KLHL33: variants seen among roughly 807,000 people sequenced by gnomAD.
KLHL33 encodes the protein kelch like family member 33.
A neutral mutation model predicts 60.8 loss-of-function variants in KLHL33; 46 were observed. The ratio of observed to expected loss-of-function variants is 0.76; its 90% confidence interval spans 0.60 to 0.97. KLHL33 has a LOEUF of 0.97. Ranked by LOEUF, KLHL33 falls within the 50% of genes least tolerant of loss-of-function variation. The pLI, the probability that KLHL33 is intolerant of heterozygous loss-of-function variation, is 0.00. For missense variants in KLHL33, 1,055 were observed against 1,000.0 expected, an observed-to-expected ratio of 1.05 and a Z score of -0.74; for synonymous variants, 434 against 432.2, an observed-to-expected ratio of 1.00 and a Z score of -0.05.
At chr14:20,432,192 G>A (rs147108719) in intron 2 of KLHL33, among the ~76,000 whole-genome samples, 247 of 151,288 alleles carry the variant, frequency 1.6e-3, no homozygotes, top group Non-Finnish European at 3.2e-3. Flanking sequence ...TCGGCTCACT[G>A]CAACCTCCAC....
Position 20,428,842 on chromosome 14 carries a change from T to A in KLHL33, c.*7A>T, listed in dbSNP as rs1880378102. On this transcript the variant is annotated 3_prime_UTR_variant, in exon 5 of 5. Transcript: ENST00000636854. Reference sequence around the variant, plus strand: ...CCCTCCTCTCCCCATACACTGTTGCTCCCTCTTCACCCAGCAGGTTTGGTT... The same window carrying A: ...CCCTCCTCTCCCCATACACTGTTGCACCCTCTTCACCCAGCAGGTTTGGTT... 14 of 1,547,164 alleles carry A rather than the reference T, an allele frequency of 9.0e-6. No homozygotes were observed. The highest frequency in any genetic ancestry group is 1.2e-5 in the Non-Finnish European group (14 of 1,143,692).
chr14:20,430,563 G>A lies in KLHL33; in HGVS notation c.905C>T (p.Ala302Val). 1 of 1,540,032 alleles carries A rather than the reference G, an allele frequency of 6.5e-7. No homozygotes were observed. The highest frequency in any genetic ancestry group is 8.7e-7 in the Non-Finnish European group (1 of 1,147,026). The change falls in exon 3 of 5, where the codon GCA (alanine) becomes GTA (valine). Residue 302 changes from alanine (A) to valine (V), a missense_variant. By Grantham distance (64) the Ala-to-Val change is moderately conservative (BLOSUM62 0). Transcript: ENST00000636854. ...AGCTCTCAGTAGCCCTGGCCACCTT[G>A]CCCGCACAACTCCGGAGTAAGCAAA... ...VSFAYSGVVR[A>V]RWPGLLRAAQ...
chr14:20,432,967 A>T (rs1201202697), intron 2 of KLHL33, among the ~76,000 whole-genome samples: 1 of 151,754 alleles, frequency 6.6e-6, no homozygotes, highest in Non-Finnish European at 1.5e-5. Flanking sequence ...AGAAAGAAAG[A>T]AAGAAAGAAA....
Position 20,434,554 on chromosome 14 carries a change from A to T in KLHL33, c.748+510T>A, listed in dbSNP as rs1880621458. The stretch of plus-strand genomic sequence containing the variant: ...AGATGCTGTCTCAGAAAAAAAAAAA[A>T]AAAGTGCCACGGCCTGGTAACCTTA... On this transcript the variant is annotated intron_variant, in intron 2 of 4. Coordinates refer to ENST00000636854, the MANE Select transcript of KLHL33 (RefSeq NM_001365790.2). Among the ~76,000 whole-genome samples, 2 of 151,926 alleles carry T rather than the reference A, an allele frequency of 1.3e-5. 1 individual carries two copies. Among genetic ancestry groups the T allele is most frequent in the South Asian group, 4.2e-4 (2 of 4,818 alleles).
At chr14:20,434,170 C>G (rs1324292813) in intron 2 of KLHL33, among the ~76,000 whole-genome samples, 1 of 152,200 alleles carries the variant, frequency 6.6e-6, no homozygotes, top group South Asian at 2.1e-4. Context: ...CAGTGCCTCA[C>G]TAAATGTTAG....
chr14:20,430,177 T>C lies in KLHL33; in HGVS notation c.1291A>G (p.Met431Val), dbSNP rs1404217959. The change falls in exon 3 of 5, where the codon ATG becomes GTG. Residue 431 changes from methionine (M) to valine (V), a missense_variant. Physicochemically the swap from Met to Val is conservative, Grantham distance 21 (BLOSUM62 1). Coordinates refer to ENST00000636854, the MANE Select transcript of KLHL33 (RefSeq NM_001365790.2). Reference sequence around the variant, plus strand: ...ACCCTCCGCAACTCCCTGGTGGACATGCGGCCAAAGCGGACACATCGCAGC... The same window carrying C: ...ACCCTCCGCAACTCCCTGGTGGACACGCGGCCAAAGCGGACACATCGCAGC... ...ALLRCVRFGRMSTRELRRVRA... is the reference protein window; with the variant it reads ...ALLRCVRFGRVSTRELRRVRA... 5.8e-6 allele frequency: 9 copies of C among 1,551,378 alleles called. No individual in the cohort carries two copies. In the Admixed American group the frequency reaches 5.9e-5, roughly 10 times the overall value.
rs1190039133 is a variant in KLHL33, at chr14:20,429,102, G to A, written c.2141C>T (p.Pro714Leu). The change falls in exon 5 of 5, where the codon CCC (proline) becomes CTC (leucine). Residue 714 changes from proline to leucine, a missense_variant. By Grantham distance (98) the Pro-to-Leu change is moderately conservative. Transcript: ENST00000636854. ...AGCCCCCACATGGGGGGAGGGTAGG[G>A]GTGCCAGGTGAGTCCAGCTATCAGT... ...LRTDSWTHLA[P>L]LPSPHVGAAS... The A allele has an allele frequency of 9.7e-6, 15 of 1,551,564 alleles. No individual in the cohort carries two copies. Among genetic ancestry groups the A allele is most frequent in the Non-Finnish European group, 1.3e-5 (15 of 1,147,002 alleles).
At position 20,430,645 on chromosome 14, in the gene KLHL33, C is replaced by G. The variant is rs1479411425; in HGVS notation, c.823G>C (p.Gly275Arg). Residue 275 changes from glycine to arginine, a missense_variant, in exon 3 of 5, where the codon GGC (glycine) becomes CGC (arginine). Gly to Arg is a moderately radical substitution (Grantham distance 125). Coordinates refer to ENST00000636854, the MANE Select transcript of KLHL33 (RefSeq NM_001365790.2). Reference sequence around the variant, plus strand: ...ATCGTCCGCAGAGATACCTCTGTGCCCTGGGATTCCCTCATCCCGCTCAGG... The same window carrying G: ...ATCGTCCGCAGAGATACCTCTGTGCGCTGGGATTCCCTCATCCCGCTCAGG... ...MLLSGMRESQ[G>R]TEVSLRTIST... The G allele has an allele frequency of 6.5e-6, 10 of 1,535,292 alleles. No homozygotes were observed. The East Asian group carries it at 2.4e-4, about 38-fold the overall frequency.
rs1334713504 is a variant in KLHL33, at chr14:20,427,125, T to A, written c.*1724A>T. The A allele has an allele frequency of 2.0e-5, 3 of 150,644 alleles. No individual in the cohort carries two copies. Among genetic ancestry groups the A allele is most frequent in the African/African-American group, 7.3e-5 (3 of 40,832 alleles). 9.3% of individuals were successfully genotyped at this position (150,644 alleles called of 1,614,324 possible). A position where few individuals can be genotyped will look rare whatever the true frequency, so the allele number is the denominator to read the frequency against. On this transcript the variant is annotated 3_prime_UTR_variant, in exon 5 of 5. Transcript: ENST00000636854. ...GTGCAGCACACCAGCATGGCACATG[T>A]ATACATATGTAACTAACCTGCACAT...
chr14:20,431,121 A>G (rs1880499054), intron 2 of KLHL33, among the ~76,000 whole-genome samples: 1 of 152,208 alleles, frequency 6.6e-6, no homozygotes, highest in Non-Finnish European at 1.5e-5. Flanking sequence ...CACAAAATAA[A>G]TGGGAAATGA....
At chr14:20,429,755 T>G in intron 3 of KLHL33, 40 bp downstream of exon 3, 1 of 1,522,766 alleles carries the variant, frequency 6.6e-7, no homozygotes, top group Non-Finnish European at 8.8e-7. Context: ...CTGCCCACCT[T>G]AGGGCCTGCC....
In KLHL33 at chr14:20,430,510, A is replaced by G. The variant is rs567375766; in HGVS notation, c.958T>C (p.Ser320Pro). Reference protein sequence around the residue: ...AAQAALQYQSSSCLDLCQKGL... With the variant: ...AAQAALQYQSPSCLDLCQKGL... ...TTCTGACACAAATCCAAGCAGGAAG[A>G]GCTCTGGTACTGCAGAGCAGCCTGG... The change falls in exon 3 of 5, where the codon TCT (serine) becomes CCT (proline). Residue 320 changes from serine (S) to proline (P), a missense_variant. Coordinates refer to ENST00000636854, the MANE Select transcript of KLHL33 (RefSeq NM_001365790.2). 2 of 1,548,512 alleles carry G rather than the reference A, an allele frequency of 1.3e-6. No individual in the cohort carries two copies. The highest frequency in any genetic ancestry group is 4.9e-5 in the East Asian group (2 of 40,908).
rs1336636662 is a variant in KLHL33, at chr14:20,428,568, T to G, written c.*281A>C. 3 of 397,948 alleles carry G rather than the reference T, an allele frequency of 7.5e-6. No individual in the cohort carries two copies. The highest frequency in any genetic ancestry group is 4.3e-5 in the South Asian group (1 of 23,032). 24.7% of individuals were successfully genotyped at this position (397,948 alleles called of 1,614,324 possible). ...CTTCTTAACTCTCTTTCAAACTAGA[T>G]GCCCTTTCCCTAAGAATCCCTAAGC... On this transcript the variant is annotated 3_prime_UTR_variant, in exon 5 of 5. Transcript: ENST00000636854.
At position 20,429,709 on chromosome 14, in the gene KLHL33, G is replaced by C. The variant is rs920165540; in HGVS notation, c.1674-40C>G. The C allele has an allele frequency of 1.0e-5, 16 of 1,540,678 alleles. No homozygotes were observed. The African/African-American group carries it at 2.1e-4, about 20-fold the overall frequency. ...ACAAGAGATTGGAAGAGGGACTCTG[G>C]GCATCCGTGGTTGGCTAGGCCAGCA... is the stretch of plus-strand genomic sequence containing the variant. On this transcript the variant is annotated intron_variant, in intron 3 of 4. Coordinates refer to ENST00000636854, the MANE Select transcript of KLHL33 (RefSeq NM_001365790.2).
Position 20,429,639 on chromosome 14 carries a change from C to T in KLHL33, c.1704G>A (p.Glu568=), listed in dbSNP as rs1173408500. ...TTCGAGCCTGGGACAAAGGAGCCAT[C>T]TCCTCCCAGTCCTCTTGACTGGGCT... ...RWEPSQEDWE[E]MAPLSQARSL... The change falls in exon 4 of 5, where the codon GAG becomes GAA. Residue 568 remains glutamate, a synonymous_variant. Transcript: ENST00000636854. 6.4e-7 allele frequency: 1 copy of T among 1,551,832 alleles called. No individual in the cohort carries two copies. Among genetic ancestry groups the T allele is most frequent in the East Asian group, 2.4e-5 (1 of 40,908 alleles).
At position 20,435,828 on chromosome 14, in the gene KLHL33, T is replaced by C. The variant is rs1023626853; in HGVS notation, c.-17A>G. 9.7e-6 allele frequency: 12 copies of C among 1,233,786 alleles called. No individual in the cohort carries two copies. The Admixed American group carries it at 1.3e-4, about 13-fold the overall frequency. The allele number at this position is 1,233,786 out of a possible 1,614,324, so 76.4% of individuals were successfully genotyped here. The stretch of plus-strand genomic sequence containing the variant: ...GACGCTCATGCCGAGGTTTGCTGGA[T>C]AGCTGCAGGTGAGCAGAGGCAAGAC... On this transcript the variant is annotated splice_region_variant and 5_prime_UTR_variant, in exon 2 of 5. Coordinates refer to ENST00000636854, the MANE Select transcript of KLHL33 (RefSeq NM_001365790.2).
chr14:20,434,113 TC>T (rs1487249577), intron 2 of KLHL33, among the ~76,000 whole-genome samples: 1 of 152,190 alleles, frequency 6.6e-6, no homozygotes, highest in Non-Finnish European at 1.5e-5. Flanking sequence ...TCACCAGCTT[TC>T]AGTAAAATTT....
chr14:20,433,277 T>C (rs146026806), intron 2 of KLHL33, among the ~76,000 whole-genome samples: 4 of 152,306 alleles, frequency 2.6e-5, no homozygotes, highest in African/African-American at 4.8e-5. Context: ...AAATGCTTCA[T>C]AATAAAAAGG....
At position 20,429,631 on chromosome 14, in the gene KLHL33, G is replaced by A. The variant is rs747411926; in HGVS notation, c.1712C>T (p.Pro571Leu). Reference protein sequence around the residue: ...PSQEDWEEMAPLSQARSLFSL... With the variant: ...PSQEDWEEMALLSQARSLFSL... Reference sequence around the variant, plus strand: ...GAAAAGGCTTCGAGCCTGGGACAAAGGAGCCATCTCCTCCCAGTCCTCTTG... The same window carrying A: ...GAAAAGGCTTCGAGCCTGGGACAAAAGAGCCATCTCCTCCCAGTCCTCTTG... Residue 571 changes from proline (P) to leucine (L), a missense_variant, in exon 4 of 5, where the codon CCT (proline) becomes CTT (leucine). Pro to Leu is a moderately conservative substitution (Grantham distance 98). Transcript: ENST00000636854. 2.6e-6 allele frequency: 4 copies of A among 1,551,864 alleles called. No homozygotes were observed. Among genetic ancestry groups the A allele is most frequent in the Middle Eastern group, 1.7e-4 (1 of 5,992 alleles).
Sources: allele counts gnomAD v4.1 joint callset (sites outside exome capture counted in the v4.1 genomes callset), GRCh38; gene constraint gnomAD v4.1.1; transcripts MANE v1.5; gene names NCBI Gene and HGNC (gene_info 2026-07-23, HGNC 2026-07-21).